ZNF644: variants seen among roughly 807,000 people sequenced by gnomAD.
ZNF644 encodes the protein zinc finger motif enhancer binding protein 2.
In ZNF644, 20 loss-of-function variants were observed where a neutral mutation model predicts 108.0. The ratio of observed to expected loss-of-function variants is 0.19; its 90% CI spans 0.13 to 0.27. The LOEUF (loss-of-function observed/expected upper bound fraction) is 0.27. Among genes scored for constraint, ZNF644 ranks in the 10% least tolerant of loss-of-function variants. ZNF644 has a pLI of 1.00. For synonymous variants in ZNF644, 542 were observed against 539.1 expected, an observed-to-expected ratio of 1.01 and a Z score of -0.08; for missense variants, 1,338 against 1,548.9, an observed-to-expected ratio of 0.86 and a Z score of 2.29.
intron 2 of ZNF644, among the ~76,000 whole-genome samples, chr1:90,958,089 G>A (rs768513575): frequency 1.1e-4 from 17 of 151,718 alleles, no homozygotes; most frequent in African/African-American, 1.2e-4. Context: ...GGCCAACAGC[G>A]AGAAACCCTG....
intron 4 of ZNF644, among the ~76,000 whole-genome samples, chr1:90,931,601 A>C (rs1449857520): frequency 6.6e-6 from 1 of 152,168 alleles, no homozygotes; most frequent in Non-Finnish European, 1.5e-5. Context: ...ACCCAACAGA[A>C]GATAAACTGG....
chr1:91,009,044 G>A (rs1441648254), intron 1 of ZNF644, among the ~76,000 whole-genome samples: 1 of 152,038 alleles, frequency 6.6e-6, no homozygotes, highest in African/African-American at 2.4e-5. Context: ...GACCAGCCTG[G>A]GCAACAAAGT....
intron 1 of ZNF644, among the ~76,000 whole-genome samples, chr1:91,000,447 A>G (rs769413980): frequency 9.2e-5 from 14 of 152,236 alleles, no homozygotes; most frequent in Non-Finnish European, 1.9e-4. Flanking sequence ...TATTGGGTAC[A>G]TAACGAAATG....
chr1:90,960,315 C>G (rs1370498955), intron 2 of ZNF644, among the ~76,000 whole-genome samples: 2 of 152,146 alleles, frequency 1.3e-5, no homozygotes, highest in Non-Finnish European at 2.9e-5. Context: ...TTTCCTGTTG[C>G]ACCTCAAGCT....
intron 2 of ZNF644, among the ~76,000 whole-genome samples, chr1:90,975,316 A>T (rs1295396418): frequency 6.6e-6 from 1 of 152,226 alleles, no homozygotes; most frequent in African/African-American, 2.4e-5. Flanking sequence ...ATCTAAAACC[A>T]ACTTAATTAC....
At chr1:91,017,642 TA>T (rs1328713383) in intron 1 of ZNF644, among the ~76,000 whole-genome samples, 1 of 152,170 alleles carries the variant, frequency 6.6e-6, no homozygotes, top group Non-Finnish European at 1.5e-5. Context: ...CATAATCACA[TA>T]AGAGTTCCCA....
intron 4 of ZNF644, among the ~76,000 whole-genome samples, chr1:90,924,491 G>C (rs886452430): frequency 5.0e-4 from 76 of 152,242 alleles, no homozygotes; most frequent in African/African-American, 1.8e-3. Context: ...TTCAGATGTA[G>C]TAACAATAAT....
chr1:90,964,959 T>C (rs1654706882), intron 2 of ZNF644, among the ~76,000 whole-genome samples: 1 of 152,114 alleles, frequency 6.6e-6, no homozygotes, highest in Non-Finnish European at 1.5e-5. Flanking sequence ...AGACATAAGT[T>C]GCTTTACAAA....
At chr1:91,019,342 CATA>C (rs1383634928) in intron 1 of ZNF644, among the ~76,000 whole-genome samples, 2 of 152,210 alleles carry the variant, frequency 1.3e-5, no homozygotes, top group Admixed American at 6.5e-5. Context: ...TCTTTTCCTA[CATA>C]ATAACTGGCA....
intron 2 of ZNF644, among the ~76,000 whole-genome samples, chr1:90,975,864 G>A (rs74099886): frequency 0.013 from 1,926 of 152,202 alleles, 38 homozygotes; most frequent in African/African-American, 0.044. Flanking sequence ...CATTATTTCT[G>A]AATCTCTTAC....
At chr1:90,924,900 G>A (rs1649851708) in intron 4 of ZNF644, among the ~76,000 whole-genome samples, 1 of 152,046 alleles carries the variant, frequency 6.6e-6, no homozygotes. Context: ...AGTAAGTGAG[G>A]AACTACCTAC....
rs556216276 is a variant in ZNF644, at chr1:90,939,138, A to C, written c.2216T>G (p.Leu739Trp). 3 of 1,613,844 alleles carry C rather than the reference A, an allele frequency of 1.9e-6. No individual in the cohort carries two copies. Among genetic ancestry groups the C allele is most frequent in the African/African-American group, 2.7e-5 (2 of 75,036 alleles). ...ATAGTTTTCATATTTGTGTCTATACAAATAGTGGCTATTTGCCTTGGCATT... is the reference window on the plus strand; with the variant it reads ...ATAGTTTTCATATTTGTGTCTATACCAATAGTGGCTATTTGCCTTGGCATT... ...KSNAKANSHY[L>W]YRHKYENYRM... Residue 739 changes from leucine (L) to tryptophan (W), a missense_variant, in exon 3 of 6, where the codon TTG becomes TGG. This residue lies in a region of ZNF644 where 462 missense variants were observed against 472.6 expected (regional missense o/e 0.98). Coordinates refer to ENST00000337393, the MANE Select transcript of ZNF644 (RefSeq NM_201269.3).
At position 90,940,681 on chromosome 1, in the gene ZNF644, C is replaced by T. The variant is rs1392964507; in HGVS notation, c.673G>A (p.Gly225Ser). ...ACCAATAAATCTTCACCATCCTCAC[C>T]CACCTCTACTTGATTTATTAAAGTG... ...DGTLINQVEV[G>S]EDGEDLLVKD... Residue 225 changes from glycine to serine, a missense_variant, in exon 3 of 6, where the codon GGT (glycine) becomes AGT (serine). Gly to Ser is a moderately conservative substitution (Grantham distance 56, BLOSUM62 0). Coordinates refer to ENST00000337393, the MANE Select transcript of ZNF644 (RefSeq NM_201269.3). 1 of 1,613,958 alleles carries T rather than the reference C, an allele frequency of 6.2e-7. No individual in the cohort carries two copies. Among genetic ancestry groups the T allele is most frequent in the African/African-American group, 1.3e-5 (1 of 74,928 alleles).
chr1:90,920,394 A>G lies in ZNF644; in HGVS notation c.3689-2240T>C, dbSNP rs565246099. On this transcript the variant is annotated intron_variant, in intron 4 of 5. Transcript: ENST00000337393. ...GTTAGGGGTGTAAAGCAAATTGAGGAAGAAGGGCAGGAGGATGGTAGGGAA... is the reference window on the plus strand; with the variant it reads ...GTTAGGGGTGTAAAGCAAATTGAGGGAGAAGGGCAGGAGGATGGTAGGGAA... 3.3e-5 allele frequency among the ~76,000 whole-genome samples: 5 copies of G among 152,190 alleles called. No homozygotes were observed. In the East Asian group the frequency reaches 9.6e-4, roughly 29 times the overall value.
rs1651865367 is a variant in ZNF644, at chr1:90,940,675, C to A, written c.679G>T (p.Asp227Tyr). ...TLINQVEVGE[D>Y]GEDLLVKDDC... ...TCTTTCACCAATAAATCTTCACCAT[C>A]CTCACCCACCTCTACTTGATTTATT... The change falls in exon 3 of 6, where the codon GAT (aspartate) becomes TAT (tyrosine). Residue 227 changes from aspartate (D) to tyrosine (Y), a missense_variant. Asp to Tyr is a radical substitution (Grantham distance 160, BLOSUM62 -3). Transcript: ENST00000337393. 7 of 1,613,958 alleles carry A rather than the reference C, an allele frequency of 4.3e-6. No homozygotes were observed. Among genetic ancestry groups the A allele is most frequent in the Middle Eastern group, 1.6e-4 (1 of 6,084 alleles).
At chr1:91,006,801 T>C (rs1414378108) in intron 1 of ZNF644, among the ~76,000 whole-genome samples, 4 of 152,154 alleles carry the variant, frequency 2.6e-5, no homozygotes, top group Admixed American at 6.5e-5. Flanking sequence ...GGATCCCCCC[T>C]CTTTTTAGTT....
At chr1:90,954,700 C>T (rs915961107) in intron 2 of ZNF644, among the ~76,000 whole-genome samples, 1 of 152,212 alleles carries the variant, frequency 6.6e-6, no homozygotes, top group African/African-American at 2.4e-5. Flanking sequence ...AGCCATGGCA[C>T]CCAGTCTTCA....
chr1:90,932,778 T>C (rs1233224936), intron 4 of ZNF644, among the ~76,000 whole-genome samples: 2 of 152,148 alleles, frequency 1.3e-5, no homozygotes, highest in Non-Finnish European at 2.9e-5. Flanking sequence ...AGATTTTTTT[T>C]AATGAGGGAA....
intron 2 of ZNF644, among the ~76,000 whole-genome samples, chr1:90,955,096 C>A (rs894277096): frequency 3.3e-5 from 5 of 152,198 alleles, no homozygotes; most frequent in Non-Finnish European, 5.9e-5. Context: ...CATCAGAGAT[C>A]TTGGATGACC....
Sources: gnomAD v4.1 joint callset for allele counts (sites outside exome capture counted in the v4.1 genomes callset) on GRCh38, gnomAD v4.1.1 for gene constraint, gnomAD v4.1.1 regional missense constraint, MANE v1.5 for transcripts, NCBI Gene and HGNC (gene_info 2026-07-23, HGNC 2026-07-21) for gene names.